KMT2D: variants seen among roughly 807,000 people sequenced by gnomAD.
The protein encoded by KMT2D is histone-lysine N-methyltransferase 2D.
Under a neutral mutation model 512.7 loss-of-function variants are expected in KMT2D, and 55 were observed. That is an observed-to-expected ratio of 0.11 (90% CI 0.09 to 0.13). The LOEUF (loss-of-function observed/expected upper bound fraction) is 0.13. Ranked by LOEUF, KMT2D falls within the 10% of genes least tolerant of loss-of-function variation. The pLI, the probability that KMT2D is intolerant of heterozygous loss-of-function variation, is 1.00. For missense variants in KMT2D, 6,061 were observed against 7,127.9 expected (o/e 0.85, Z 5.39); for synonymous variants, 2,995 against 2,904.0 (o/e 1.03, Z -1.01).
In KMT2D at chr12:49,032,463, T is replaced by A. The variant is rs1942968209; in HGVS notation, c.12242A>T (p.Gln4081Leu). 1 of 1,567,806 alleles carries A rather than the reference T, an allele frequency of 6.4e-7. No individual in the cohort carries two copies. Residue 4081 changes from glutamine to leucine, a missense_variant, in exon 40 of 55, where the codon CAG (glutamine) becomes CTG (leucine). Physicochemically the swap from Gln to Leu is moderately radical, Grantham distance 113. Around this residue, in one of 16 missense-constraint regions of KMT2D, gnomAD observed 1,600 missense variants for 1,754.9 expected, o/e 0.91. Transcript: ENST00000301067. ...GDSQLLLVQPQPQPQPSSLQL... is the reference protein window; with the variant it reads ...GDSQLLLVQPLPQPQPSSLQL... ...CAGAGAGCTGGGCTGAGGCTGGGGC[T>A]GGGGTTGGACAAGCAGGAGTTGTGA...
chr12:49,022,028 G>C lies in KMT2D; in HGVS notation c.16521+15C>G, dbSNP rs1334229120. ...AGGAGCTGCTTTGTCACTCAGTCAG[G>C]ATACTTCCTCTCACCTCCTCTCCTT... On this transcript the variant is annotated intron_variant, in intron 54 of 54. Transcript: ENST00000301067. This position sits in a 1 kb window ranked among gnomAD's most constrained non-coding sequence, Gnocchi z 8.6. 4 of 1,606,564 alleles carry C rather than the reference G, an allele frequency of 2.5e-6. No homozygotes were observed. The African/African-American group carries it at 5.4e-5, about 21-fold the overall frequency.
chr12:49,022,462 C>G lies in KMT2D; in HGVS notation c.16339-109G>C. 1 of 1,490,722 alleles carries G rather than the reference C, an allele frequency of 6.7e-7. No individual in the cohort carries two copies. The allele number at this position is 1,490,722 out of a possible 1,614,324, so 92.3% of individuals were successfully genotyped here. On this transcript the variant is annotated intron_variant, in intron 52 of 54. Coordinates refer to ENST00000301067, the MANE Select transcript of KMT2D (RefSeq NM_003482.4). This position sits in a 1 kb window ranked among gnomAD's most constrained non-coding sequence, Gnocchi z 8.6. ...GCAGTGGGGGCTTTTGTTGCATGTA[C>G]TTCATTTCTCCTGCCTTTCCCTTCT...
chr12:49,024,935 G>C lies in KMT2D; in HGVS notation c.15796C>G (p.Arg5266Gly), dbSNP rs760369709. 1.3e-6 allele frequency: 2 copies of C among 1,593,060 alleles called. No homozygotes were observed. The highest frequency in any genetic ancestry group is 1.7e-6 in the Non-Finnish European group (2 of 1,169,792). Residue 5266 changes from arginine (R) to glycine (G), a missense_variant, in exon 50 of 55, where the codon CGC becomes GGC. Arg to Gly is a moderately radical substitution (Grantham distance 125, BLOSUM62 -2). Around this residue, in one of 16 missense-constraint regions of KMT2D, gnomAD observed 261 missense variants for 440.7 expected, o/e 0.59. Coordinates refer to ENST00000301067, the MANE Select transcript of KMT2D (RefSeq NM_003482.4). This position sits in a 1 kb window ranked among gnomAD's most constrained non-coding sequence, Gnocchi z 4.5. ...ATGGCAGCCACAGGCTCAATGATGC[G>C]ATTCCACACGGCTAAGAAGCAGGGA... ...TDASPQAVWN[R>G]IIEPVAAMRK...
chr12:49,041,145 G>T lies in KMT2D; in HGVS notation c.6625C>A (p.Pro2209Thr), dbSNP rs1943503730. 2 of 1,525,102 alleles carry T rather than the reference G, an allele frequency of 1.3e-6. No individual in the cohort carries two copies. Among genetic ancestry groups the T allele is most frequent in the Non-Finnish European group, 1.8e-6 (2 of 1,140,308 alleles). The allele number at this position is 1,525,102 out of a possible 1,614,324, so 94.5% of individuals were successfully genotyped here. A position where few individuals can be genotyped will look rare whatever the true frequency, so the allele number is the denominator to read the frequency against. The change falls in exon 32 of 55, where the codon CCC (proline) becomes ACC (threonine). Residue 2209 changes from proline (P) to threonine (T), a missense_variant. This residue lies in a region of KMT2D where 710 missense variants were observed against 647.3 expected (regional missense o/e 1.10). Coordinates refer to ENST00000301067, the MANE Select transcript of KMT2D (RefSeq NM_003482.4). This position sits in a 1 kb window ranked among gnomAD's most constrained non-coding sequence, Gnocchi z 5.4. ...CGAGATGAGGCGCCCAGCATCGGGG[G>T]CTGCGCAGGGGCCCCCGTAGGACTA... Reference protein sequence around the residue: ...YPSPTGAPAQPPMLGASSRPG... With the variant: ...YPSPTGAPAQTPMLGASSRPG...
Position 49,024,168 on chromosome 12 carries a change from A to T in KMT2D, c.16052+410T>A, listed in dbSNP as rs1555185143. 2.7e-5 allele frequency: 12 copies of T among 448,534 alleles called. No individual in the cohort carries two copies. Among genetic ancestry groups the T allele is most frequent in the South Asian group, 1.3e-4 (8 of 61,610 alleles). The allele number at this position is 448,534 out of a possible 1,614,324, so 27.8% of individuals were successfully genotyped here. On this transcript the variant is annotated intron_variant, in intron 51 of 54. Coordinates refer to ENST00000301067, the MANE Select transcript of KMT2D (RefSeq NM_003482.4). The surrounding 1 kb of genome is among the most constrained non-coding windows in gnomAD (Gnocchi z 4.5). ...TTATTATTTTTCTATTATATCTCTA[A>T]CTATTTATTTTTGACACCAACACTC...
rs767696694 is a variant in KMT2D, at chr12:49,031,706, C to G, written c.12999G>C (p.Glu4333Asp). The G allele has an allele frequency of 8.1e-6, 13 of 1,612,682 alleles. No homozygotes were observed. The African/African-American group carries it at 1.5e-4, about 18-fold the overall frequency. The change falls in exon 40 of 55, where the codon GAG (glutamate) becomes GAC (aspartate). Residue 4333 changes from glutamate (E) to aspartate (D), a missense_variant. Transcript: ENST00000301067. Reference protein sequence around the residue: ...LPSPSSQLPTEAQLPPTHPGT... With the variant: ...LPSPSSQLPTDAQLPPTHPGT... ...CTGGATGGGTGGGAGGGAGCTGGGC[C>G]TCAGTGGGAAGCTGGGAGCTGGGGG...
Position 49,031,944 on chromosome 12 carries a change from T to C in KMT2D, c.12761A>G (p.Gln4254Arg), listed in dbSNP as rs753663843. ...TTGAGGTTGGCAGCCCAGGAGGCCC[T>C]GGAGGGGAGAGGTCTGGGTCCCAGG... ...QEPGTQTSPL[Q>R]GLLGCQPQLG... is the part of the protein sequence containing the mutation. Residue 4254 changes from glutamine to arginine, a missense_variant, in exon 40 of 55, where the codon CAG (glutamine) becomes CGG (arginine). Gln to Arg is a conservative substitution (Grantham distance 43, BLOSUM62 1). Coordinates refer to ENST00000301067, the MANE Select transcript of KMT2D (RefSeq NM_003482.4). 6.5e-7 allele frequency: 1 copy of C among 1,548,662 alleles called. No individual in the cohort carries two copies. The highest frequency in any genetic ancestry group is 1.4e-5 in the African/African-American group (1 of 72,874).
chr12:49,037,154 T>C lies in KMT2D; in HGVS notation c.10202A>G (p.Gln3401Arg), dbSNP rs765134287. The change falls in exon 35 of 55, where the codon CAG (glutamine) becomes CGG (arginine). Residue 3401 changes from glutamine to arginine, a missense_variant. Gln to Arg is a conservative substitution (Grantham distance 43). Coordinates refer to ENST00000301067, the MANE Select transcript of KMT2D (RefSeq NM_003482.4). Reference protein sequence around the residue: ...MKPQQLAMQQQLANSFFPDTD... With the variant: ...MKPQQLAMQQRLANSFFPDTD... ...ATCTGGGAAGAAGCTGTTTGCCAGC[T>C]GCTGCTGCATTGCCAATTGCTGCGG... is the stretch of plus-strand genomic sequence containing the variant. 1 of 1,586,026 alleles carries C rather than the reference T, an allele frequency of 6.3e-7. No homozygotes were observed. Among genetic ancestry groups the C allele is most frequent in the South Asian group, 1.1e-5 (1 of 88,424 alleles).
At chr12:49,045,800 C>A (rs1165913574) in intron 19 of KMT2D, 120 bp downstream of exon 19, 4 of 918,842 alleles carry the variant, frequency 4.4e-6, no homozygotes, top group East Asian at 2.6e-5. Flanking sequence ...GGCCACTTAA[C>A]TTCTCTGGGT....
rs2120516815 is a variant in KMT2D, at chr12:49,039,795, C to T, written c.7975G>A (p.Ala2659Thr). 1 of 1,613,998 alleles carries T rather than the reference C, an allele frequency of 6.2e-7. No individual in the cohort carries two copies. The highest frequency in any genetic ancestry group is 8.5e-7 in the Non-Finnish European group (1 of 1,179,898). ...GTGMGSSLAT[A>T]ELPGTQDPGM... ...GGGTCCTGGGTACCTGGGAGTTCAG[C>T]TGTCGCCAAAGAGCTACCCATTCCA... Residue 2659 changes from alanine to threonine, a missense_variant, in exon 32 of 55, where the codon GCT becomes ACT. Around this residue, in one of 16 missense-constraint regions of KMT2D, gnomAD observed 527 missense variants for 578.9 expected, o/e 0.91. Coordinates refer to ENST00000301067, the MANE Select transcript of KMT2D (RefSeq NM_003482.4). The surrounding 1 kb of genome is among the most constrained non-coding windows in gnomAD (Gnocchi z 5.0).
rs1943081438 is a variant in KMT2D at position 49,033,879 on chromosome 12, T to C, written c.10826A>G (p.Gln3609Arg). The C allele has an allele frequency of 1.3e-6, 2 of 1,554,094 alleles. No homozygotes were observed. The highest frequency in any genetic ancestry group is 1.7e-6 in the Non-Finnish European group (2 of 1,149,866). Residue 3609 changes from glutamine to arginine, a missense_variant, in exon 40 of 55, where the codon CAA becomes CGA. Gln to Arg is a conservative substitution (Grantham distance 43, BLOSUM62 1). Around this residue, in one of 16 missense-constraint regions of KMT2D, gnomAD observed 1,600 missense variants for 1,754.9 expected, o/e 0.91. Coordinates refer to ENST00000301067, the MANE Select transcript of KMT2D (RefSeq NM_003482.4). ...QQQQQQQQQQ[Q>R]QQQHSAVLAL... The stretch of plus-strand genomic sequence containing the variant: ...CAGCACAGCTGAGTGCTGTTGCTGT[T>C]GTTGCTGCTGCTGCTGCTGTTGTTG...
chr12:49,040,741 C>A lies in KMT2D; in HGVS notation c.7029G>T (p.Pro2343=), dbSNP rs759094964. The A allele has an allele frequency of 3.1e-6, 5 of 1,613,340 alleles. No individual in the cohort carries two copies. In the South Asian group the frequency reaches 5.5e-5, roughly 18 times the overall value. The change falls in exon 32 of 55, where the codon CCG becomes CCT. Residue 2343 remains proline (P), a synonymous_variant. Coordinates refer to ENST00000301067, the MANE Select transcript of KMT2D (RefSeq NM_003482.4). ...GCTCCTGGGGCCTTAGGCCCAAGCC[C>A]GGGCTCTGGGGCTCTACCTGAGATG... ...PRASQVEPQS[P]GLGLRPQEPP... is the part of the protein sequence containing the mutation.
At position 49,050,418 on chromosome 12, in the gene KMT2D, G is replaced by T. The variant is rs2120650423; in HGVS notation, c.3170C>A (p.Pro1057His). The change falls in exon 12 of 55, where the codon CCC (proline) becomes CAC (histidine). Residue 1057 changes from proline (P) to histidine (H), a missense_variant. Pro to His is a moderately conservative substitution (Grantham distance 77, BLOSUM62 -2). Around this residue, in one of 16 missense-constraint regions of KMT2D, gnomAD observed 447 missense variants for 500.1 expected, o/e 0.89. Coordinates refer to ENST00000301067, the MANE Select transcript of KMT2D (RefSeq NM_003482.4). ...TGAGACCCCCACTACCTTCCCTATG[G>T]GACTCAACGGGGAGGGAACGGACAG... ...LPLSVPSPLS[P>H]IGKVVGVSDE... 1.2e-6 allele frequency: 2 copies of T among 1,613,856 alleles called. No individual in the cohort carries two copies. Among genetic ancestry groups the T allele is most frequent in the Non-Finnish European group, 1.7e-6 (2 of 1,179,810 alleles).
At chr12:49,049,625 T>A (rs2120636845) in intron 12 of KMT2D, 57 bp downstream of exon 12, 1 of 1,507,244 alleles carries the variant, frequency 6.6e-7, no homozygotes, top group Non-Finnish European at 8.9e-7. Flanking sequence ...GACACAGGAC[T>A]GTACCTCTGA....
chr12:49,025,535 G>C (rs1019019315), intron 49 of KMT2D, among the ~76,000 whole-genome samples: 4 of 152,154 alleles, frequency 2.6e-5, no homozygotes, highest in Non-Finnish European at 4.4e-5. Context: ...TGCCATCTAG[G>C]TTTGTGTAGT....
chr12:49,028,034 T>TGA lies in KMT2D; in HGVS notation c.14489_14490insTC (p.Lys4831GlnfsTer28), dbSNP rs1565763688. The TGA allele has an allele frequency of 6.2e-7, 1 of 1,613,190 alleles. No homozygotes were observed. The highest frequency in any genetic ancestry group is 1.3e-5 in the African/African-American group (1 of 75,014). ...CAGGACCCTCAGCTTCCCCCTTCTT[T>TGA]GGCTCAGTGCCTGCCCGGGCGGGGC... On this transcript the variant is annotated frameshift_variant, in exon 47 of 55. Transcript: ENST00000301067. LOFTEE classifies it high-confidence loss of function.
At position 49,033,216 on chromosome 12, in the gene KMT2D, G is replaced by C. The variant is rs1943043352; in HGVS notation, c.11489C>G (p.Thr3830Ser). The C allele has an allele frequency of 6.4e-7, 1 of 1,551,366 alleles. No individual in the cohort carries two copies. The highest frequency in any genetic ancestry group is 1.2e-5 in the South Asian group (1 of 84,066). The part of the protein sequence containing the change: ...PQGPHRQVLM[T>S]QSRVLSSPQL... ...GGGGGAACTGAGCACCCGGGACTGG[G>C]TCATAAGCACCTGTCTGTGAGGGCC... The change falls in exon 40 of 55, where the codon ACC becomes AGC. Residue 3830 changes from threonine (T) to serine (S), a missense_variant. By Grantham distance (58) the Thr-to-Ser change is moderately conservative (BLOSUM62 1). This residue lies in a region of KMT2D where 1,600 missense variants were observed against 1,754.9 expected (regional missense o/e 0.91). Transcript: ENST00000301067.
rs1252004004 is a variant in KMT2D, at chr12:49,041,659, T to C, written c.6230A>G (p.Gln2077Arg). Reference sequence around the variant, plus strand: ...CCCCAGCCCAGCCCCACTCACCTTCTGCACCTTGTTGATGCGGTGAGCTGC... The same window carrying C: ...CCCCAGCCCAGCCCCACTCACCTTCCGCACCTTGTTGATGCGGTGAGCTGC... ...NRAAHRINKV[Q>R]KQAESQINKQ... The change falls in exon 31 of 55, where the codon CAG becomes CGG. Residue 2077 changes from glutamine to arginine, a missense_variant. This residue lies in a region of KMT2D where 640 missense variants were observed against 814.3 expected (regional missense o/e 0.79). Coordinates refer to ENST00000301067, the MANE Select transcript of KMT2D (RefSeq NM_003482.4). The surrounding 1 kb of genome is among the most constrained non-coding windows in gnomAD (Gnocchi z 5.4). The C allele has an allele frequency of 3.7e-6, 6 of 1,613,410 alleles. No homozygotes were observed. The highest frequency in any genetic ancestry group is 5.1e-6 in the Non-Finnish European group (6 of 1,179,574).
rs2120642040 is a variant in KMT2D, at chr12:49,049,874, C to T, written c.3714G>A (p.Leu1238=). The T allele has an allele frequency of 6.2e-7, 1 of 1,613,874 alleles. No homozygotes were observed. Among genetic ancestry groups the T allele is most frequent in the South Asian group, 1.1e-5 (1 of 91,080 alleles). ...CCGTAGAGACCCCCAACTCCATGGA[C>T]AGGGAGCCACCCCCCTCCGGGTCTG... The part of the protein sequence containing the change: ...GSPDPEGGGS[L]SMELGVSTDV... Residue 1238 remains leucine (L), a synonymous_variant, in exon 12 of 55, where the codon CTG becomes CTA. Coordinates refer to ENST00000301067, the MANE Select transcript of KMT2D (RefSeq NM_003482.4).
Sources: gnomAD v4.1 joint callset for allele counts (sites outside exome capture counted in the v4.1 genomes callset) on GRCh38, gnomAD v4.1.1 for gene constraint, gnomAD v4.1.1 regional missense constraint, Gnocchi (gnomAD v3.1) non-coding constraint, MANE v1.5 for transcripts, NCBI Gene and HGNC (gene_info 2026-07-23, HGNC 2026-07-21) for gene names.